Variants in MTF1 observed in about 807,000 individuals in gnomAD.
The protein encoded by MTF1 is metal regulatory transcription factor 1, also known as MRE-binding transcription factor.
In MTF1, 22 loss-of-function variants were observed where a neutral mutation model predicts 70.4. The observed-to-expected ratio is 0.31, with a 90% CI of 0.22 to 0.45. MTF1 has a LOEUF of 0.45. MTF1 is among the 20% of genes least tolerant of loss of function. The pLI is 1.00. For missense variants in MTF1, 649 were observed against 922.0 expected (o/e 0.70, Z 3.83); for synonymous variants, 333 against 352.8 (o/e 0.94, Z 0.63).
intron 9 of MTF1, 122 bp from the exon 10 acceptor site, chr1:37,817,604 T>C (rs1487171771): frequency 1.4e-6 from 1 of 724,922 alleles, no homozygotes; most frequent in African/African-American, 1.8e-5. Context: ...TGTTCAGGGA[T>C]TTTTGTACTG....
chr1:37,816,177 G>A, intron 10 of MTF1, among the ~76,000 whole-genome samples: 1 of 152,194 alleles, frequency 6.6e-6, no homozygotes, highest in East Asian at 1.9e-4. Context: ...TTTCTCTCAT[G>A]TGTTGTACGA....
chr1:37,859,262 T>C (rs1294540050), intron 1 of MTF1, among the ~76,000 whole-genome samples: 3 of 152,132 alleles, frequency 2.0e-5, no homozygotes, highest in Non-Finnish European at 2.9e-5. Context: ...AAAAGGAACC[T>C]GTCTGGGATA....
At chr1:37,838,297 G>A (rs984763752) in intron 4 of MTF1, among the ~76,000 whole-genome samples, 1 of 152,168 alleles carries the variant, frequency 6.6e-6, no homozygotes, top group Admixed American at 6.5e-5. Flanking sequence ...CCAGACAAAG[G>A]TTCTTAAGAA....
chr1:37,852,352 C>CA (rs1323386435), intron 2 of MTF1, among the ~76,000 whole-genome samples: 2 of 152,204 alleles, frequency 1.3e-5, no homozygotes, highest in Non-Finnish European at 2.9e-5. Flanking sequence ...CTACCAAACT[C>CA]TTTAATTACC....
intron 1 of MTF1, chr1:37,858,559 G>C (rs534998160): frequency 6.6e-6 from 1 of 152,184 alleles, no homozygotes; most frequent in African/African-American, 2.4e-5. Flanking sequence ...GAAGATCACT[G>C]TATCTATTTA....
At position 37,856,308 on chromosome 1, in the gene MTF1, G is replaced by C. The variant is rs186743644; in HGVS notation, c.408+943C>G. Among the ~76,000 whole-genome samples, 209 of 146,880 alleles carry C rather than the reference G, an allele frequency of 1.4e-3. 1 individual carries two copies. The highest frequency in any genetic ancestry group is 4.9e-3 in the African/African-American group (194 of 39,958). Reference sequence around the variant, plus strand: ...TTCCCCTGCCTCAGCTTCCCAAATAGCTGGGATTACAGGCACCCGCCACTA... The same window carrying C: ...TTCCCCTGCCTCAGCTTCCCAAATACCTGGGATTACAGGCACCCGCCACTA... On this transcript the variant is annotated intron_variant, in intron 2 of 10. Coordinates refer to ENST00000373036, the MANE Select transcript of MTF1 (RefSeq NM_005955.3).
At chr1:37,841,207 C>A (rs933520860) in intron 2 of MTF1, 1 of 155,298 alleles carries the variant, frequency 6.4e-6, no homozygotes, top group South Asian at 1.7e-4. Flanking sequence ...GTGGCCACAT[C>A]GGTCTGGATG....
intron 9 of MTF1, among the ~76,000 whole-genome samples, 173 bp from the exon 10 acceptor site, chr1:37,817,655 TG>T (rs1277155549): frequency 6.6e-6 from 1 of 152,358 alleles, no homozygotes; most frequent in Non-Finnish European, 1.5e-5. Flanking sequence ...GTCACTGCAC[TG>T]TTTGACATTC....
chr1:37,829,188 G>A (rs1641048375), intron 7 of MTF1, among the ~76,000 whole-genome samples: 1 of 151,278 alleles, frequency 6.6e-6, no homozygotes, highest in African/African-American at 2.4e-5. Flanking sequence ...TGTGATCATG[G>A]CTCACTCCAG....
rs185110021 is a variant in MTF1 at position 37,839,253 on chromosome 1, G to A, written c.648-497C>T. 1.2e-4 allele frequency among the ~76,000 whole-genome samples: 18 copies of A among 152,306 alleles called. No individual in the cohort carries two copies. The East Asian group carries it at 3.5e-3, about 29-fold the overall frequency. On this transcript the variant is annotated intron_variant, in intron 3 of 10. Transcript: ENST00000373036. The stretch of plus-strand genomic sequence containing the variant: ...CAGAGAATAGCACAGTGGTATGAGT[G>A]TGACTCTGGAGACAGACTTCCTGGG...
intron 4 of MTF1, among the ~76,000 whole-genome samples, chr1:37,836,339 A>G (rs545722814): frequency 9.4e-4 from 143 of 152,298 alleles, no homozygotes; most frequent in Non-Finnish European, 6.3e-4. Context: ...CTCTGTTGAC[A>G]GTGACAGTCC....
chr1:37,855,023 C>T (rs544961827), intron 2 of MTF1, among the ~76,000 whole-genome samples: 1 of 152,270 alleles, frequency 6.6e-6, no homozygotes, highest in Non-Finnish European at 1.5e-5. Flanking sequence ...CACGCCACTG[C>T]ACTCCAGCCT....
rs985471581 is a variant in MTF1 at position 37,840,592 on chromosome 1, C to T, written c.409-434G>A. ...TTTAAAACATCTGGAAATTTACATACTTAATCATCAAACATATTTCCCTAG... is the reference window on the plus strand; with the variant it reads ...TTTAAAACATCTGGAAATTTACATATTTAATCATCAAACATATTTCCCTAG... On this transcript the variant is annotated intron_variant, in intron 2 of 10. Transcript: ENST00000373036. The surrounding 1 kb of genome is among the most constrained non-coding windows in gnomAD (Gnocchi z 4.5). 6 of 436,162 alleles carry T rather than the reference C, an allele frequency of 1.4e-5. No homozygotes were observed. The highest frequency in any genetic ancestry group is 3.3e-5 in the South Asian group (2 of 60,386). The allele number at this position is 436,162 out of a possible 1,614,324, so 27.0% of individuals were successfully genotyped here. A position where few individuals can be genotyped will look rare whatever the true frequency, so the allele number is the denominator to read the frequency against.
chr1:37,846,216 C>T (rs1344681205), intron 2 of MTF1, among the ~76,000 whole-genome samples: 1 of 151,950 alleles, frequency 6.6e-6, no homozygotes, highest in Admixed American at 6.6e-5. Context: ...GAAAATCAGA[C>T]AAGAACAACA....
Position 37,823,830 on chromosome 1 carries a change from A to G in MTF1, c.1069-18T>C, listed in dbSNP as rs528361698. The G allele has an allele frequency of 7.6e-6, 12 of 1,581,428 alleles. No homozygotes were observed. Among genetic ancestry groups the G allele is most frequent in the South Asian group, 2.2e-5 (2 of 90,296 alleles). ...CCCTGGGTCTGATGGAGAGAGACAA[A>G]GATGTGAGATTGGCCATCTTGAGAC... is the stretch of plus-strand genomic sequence containing the variant. On this transcript the variant is annotated intron_variant, in intron 7 of 10. Coordinates refer to ENST00000373036, the MANE Select transcript of MTF1 (RefSeq NM_005955.3).
In MTF1 at chr1:37,840,213, C is replaced by A. The variant is rs1196062307; in HGVS notation, c.409-55G>T. On this transcript the variant is annotated intron_variant, in intron 2 of 10. Transcript: ENST00000373036. This position sits in a 1 kb window ranked among gnomAD's most constrained non-coding sequence, Gnocchi z 4.5. ...GACAAAAATGCTGCCCAGGGCTTAACTCCCCCACCCAGAGCTCAGCTCCCA... is the reference window on the plus strand; with the variant it reads ...GACAAAAATGCTGCCCAGGGCTTAAATCCCCCACCCAGAGCTCAGCTCCCA... 1.3e-5 allele frequency: 19 copies of A among 1,502,024 alleles called. No individual in the cohort carries two copies. The Admixed American group carries it at 1.7e-4, about 13-fold the overall frequency. 93.0% of individuals were successfully genotyped at this position (1,502,024 alleles called of 1,614,324 possible).
intron 10 of MTF1, among the ~76,000 whole-genome samples, chr1:37,816,047 G>A (rs899019431): frequency 1.3e-5 from 2 of 152,130 alleles, no homozygotes; most frequent in Non-Finnish European, 2.9e-5. Context: ...CCAGCCTCCC[G>A]GCACACATGC....
At chr1:37,821,961 G>A (rs761961821) in intron 9 of MTF1, among the ~76,000 whole-genome samples, 160 bp downstream of exon 9, 23 of 151,946 alleles carry the variant, frequency 1.5e-4, no homozygotes, top group African/African-American at 3.9e-4. Flanking sequence ...CATTTCCTAC[G>A]TTTATACCAC....
Position 37,840,491 on chromosome 1 carries a change from C to G in MTF1, c.409-333G>C. 1 of 475,756 alleles carries G rather than the reference C, an allele frequency of 2.1e-6. No homozygotes were observed. Among genetic ancestry groups the G allele is most frequent in the South Asian group, 1.5e-5 (1 of 64,666 alleles). 29.5% of individuals were successfully genotyped at this position (475,756 alleles called of 1,614,324 possible). A position where few individuals can be genotyped will look rare whatever the true frequency, so the allele number is the denominator to read the frequency against. On this transcript the variant is annotated intron_variant, in intron 2 of 10. Coordinates refer to ENST00000373036, the MANE Select transcript of MTF1 (RefSeq NM_005955.3). This position sits in a 1 kb window ranked among gnomAD's most constrained non-coding sequence, Gnocchi z 4.5. ...TACCTGTATTCAGATAAGATCTTAA[C>G]TTTGTTTTAAGGCTTGACTAAACAC... is the stretch of plus-strand genomic sequence containing the variant.
Sources: allele counts gnomAD v4.1 joint callset (sites outside exome capture counted in the v4.1 genomes callset), GRCh38; gene constraint gnomAD v4.1.1; non-coding constraint Gnocchi (gnomAD v3.1); transcripts MANE v1.5; gene names NCBI Gene and HGNC (gene_info 2026-07-23, HGNC 2026-07-21).